The following IQGAP1 variants were observed in gnomAD, a reference collection of about 807,000 sequenced individuals.
IQGAP1 encodes ras GTPase-activating-like protein IQGAP1.
IQGAP1 carries 66 observed loss-of-function variants against 215.6 expected under a neutral mutation model. The observed-to-expected ratio is 0.31, with a 90% CI of 0.25 to 0.38. The LOEUF (loss-of-function observed/expected upper bound fraction) is 0.38. Among genes scored for constraint, IQGAP1 ranks in the 10% least tolerant of loss-of-function variants. The pLI, the probability that IQGAP1 is intolerant of heterozygous loss-of-function variation, is 1.00. For missense variants in IQGAP1, 1,712 were observed against 1,997.1 expected (o/e 0.86, Z 2.72); for synonymous variants, 772 against 728.7 (o/e 1.06, Z -0.96).
intron 24 of IQGAP1, 91 bp from the exon 25 acceptor site, chr15:90,476,976 T>C (rs1388769417): frequency 7.3e-7 from 1 of 1,370,958 alleles, no homozygotes; most frequent in Non-Finnish European, 1.0e-6. Context: ...TTTTCTCATA[T>C]GTATTGTAGT....
intron 7 of IQGAP1, 98 bp downstream of exon 7, chr15:90,440,713 C>T (rs933823523): frequency 2.6e-6 from 2 of 766,828 alleles, no homozygotes; most frequent in African/African-American, 3.5e-5. Flanking sequence ...TGAATCTTGC[C>T]AGCAAGTTTA....
chr15:90,411,591 G>T (rs1314159884), intron 2 of IQGAP1, among the ~76,000 whole-genome samples: 1 of 152,152 alleles, frequency 6.6e-6, no homozygotes, highest in Admixed American at 6.5e-5. Context: ...CTTCTACTTT[G>T]TAGAGGACTC....
chr15:90,438,037 T>C (rs1256806714), intron 5 of IQGAP1, among the ~76,000 whole-genome samples: 2 of 152,364 alleles, frequency 1.3e-5, no homozygotes, highest in Non-Finnish European at 2.9e-5. Flanking sequence ...TTTTCTATTA[T>C]ACATTTGGGT....
intron 3 of IQGAP1, among the ~76,000 whole-genome samples, chr15:90,429,149 G>A (rs999855510): frequency 1.2e-4 from 19 of 152,168 alleles, no homozygotes; most frequent in African/African-American, 4.6e-4. Flanking sequence ...CACCGTCCCA[G>A]CGTGGTATTT....
intron 2 of IQGAP1, among the ~76,000 whole-genome samples, chr15:90,406,916 T>G (rs1427108485): frequency 6.6e-6 from 1 of 152,178 alleles, no homozygotes; most frequent in Non-Finnish European, 1.5e-5. Flanking sequence ...AGAAGTTCAT[T>G]AACTCATTAG....
intron 2 of IQGAP1, among the ~76,000 whole-genome samples, chr15:90,410,383 G>A (rs1246657645): frequency 8.5e-5 from 13 of 152,096 alleles, no homozygotes; most frequent in South Asian, 4.1e-4. Context: ...AGACACATGC[G>A]CACGTATGTT....
At chr15:90,477,309 A>G in intron 25 of IQGAP1, 79 bp downstream of exon 25, 1 of 1,182,332 alleles carries the variant, frequency 8.5e-7, no homozygotes, top group Non-Finnish European at 1.2e-6. Context: ...TGCCTTCCTG[A>G]TCTTTTCTTG....
chr15:90,477,260 C>G lies in IQGAP1; in HGVS notation c.3104+30C>G, dbSNP rs779492247. 6 of 1,595,662 alleles carry G rather than the reference C, an allele frequency of 3.8e-6. No individual in the cohort carries two copies. The South Asian group carries it at 6.7e-5, about 18-fold the overall frequency. ...GAACAGATTTCCTCAGGGCACAGGC[C>G]CCTTCCCACTATCAGAGGGGCTCCC... On this transcript the variant is annotated intron_variant, in intron 25 of 37. Transcript: ENST00000268182.
chr15:90,454,618 G>A, intron 14 of IQGAP1, 66 bp downstream of exon 14: 2 of 1,464,276 alleles, frequency 1.4e-6, no homozygotes, highest in Non-Finnish European at 1.8e-6. Context: ...CCATGAAGTG[G>A]TTCAAAATAC....
chr15:90,493,738 T>G (rs1023752445), intron 35 of IQGAP1, among the ~76,000 whole-genome samples: 9 of 152,178 alleles, frequency 5.9e-5, no homozygotes, highest in African/African-American at 2.2e-4. Context: ...ATGGAAGGGA[T>G]GAAAAACAGG....
chr15:90,432,504 C>G (rs928722037), intron 4 of IQGAP1, among the ~76,000 whole-genome samples: 1 of 152,180 alleles, frequency 6.6e-6, no homozygotes, highest in Admixed American at 6.5e-5. Flanking sequence ...TCCTGCTTAT[C>G]AAGTTCAGAC....
At chr15:90,479,402 T>C (rs888566290) in intron 26 of IQGAP1, among the ~76,000 whole-genome samples, 1 of 151,896 alleles carries the variant, frequency 6.6e-6, no homozygotes, top group African/African-American at 2.4e-5. Context: ...AACAGGGAGT[T>C]TTACGCTGGG....
In IQGAP1 at chr15:90,482,266, G is replaced by T. The variant is rs768991566; in HGVS notation, c.3540G>T (p.Glu1180Asp). The T allele has an allele frequency of 4.8e-5, 77 of 1,614,108 alleles. No individual in the cohort carries two copies. The highest frequency in any genetic ancestry group is 5.9e-5 in the Non-Finnish European group (70 of 1,180,036). The change falls in exon 28 of 38, where the codon GAG becomes GAT. Residue 1180 changes from glutamate (E) to aspartate (D), a missense_variant. Physicochemically the swap from Glu to Asp is conservative, Grantham distance 45. Transcript: ENST00000268182. ...SLHEKFPDAG[E>D]DELLKIIGNL... is the part of the protein sequence containing the mutation. ...ATGAGAAGTTCCCTGATGCTGGTGA[G>T]GATGAGCTGCTGAAGGTAAGAATCT...
rs142519469 is a variant in IQGAP1, at chr15:90,456,182, C to G, written c.1643C>G (p.Ala548Gly). Residue 548 changes from alanine (A) to glycine (G), a missense_variant, in exon 15 of 38, where the codon GCC (alanine) becomes GGC (glycine). Ala to Gly is a moderately conservative substitution (Grantham distance 60). Coordinates refer to ENST00000268182, the MANE Select transcript of IQGAP1 (RefSeq NM_003870.4). Reference protein sequence around the residue: ...RILAIGLINEALDEGDAQKTL... With the variant: ...RILAIGLINEGLDEGDAQKTL... ...TTAGCCATTGGTTTAATTAATGAAG[C>G]CCTGGATGAAGGTGATGCCCAAAAG... 400 of 1,613,848 alleles carry G rather than the reference C, an allele frequency of 2.5e-4. No individual in the cohort carries two copies. Among genetic ancestry groups the G allele is most frequent in the Non-Finnish European group, 3.3e-4 (388 of 1,179,944 alleles).
intron 35 of IQGAP1, chr15:90,494,446 A>T (rs569134109): frequency 8.8e-6 from 2 of 226,964 alleles, no homozygotes; most frequent in African/African-American, 4.7e-5. Flanking sequence ...CCAGAAGGAC[A>T]TGGGAGGATT....
rs751610568 is a variant in IQGAP1, at chr15:90,499,975, T to A, written c.4861-20T>A. The A allele has an allele frequency of 5.1e-6, 7 of 1,367,478 alleles. No individual in the cohort carries two copies. The highest frequency in any genetic ancestry group is 2.9e-5 in the African/African-American group (2 of 70,156). 84.7% of individuals were successfully genotyped at this position (1,367,478 alleles called of 1,614,324 possible). A position where few individuals can be genotyped will look rare whatever the true frequency, so the allele number is the denominator to read the frequency against. On this transcript the variant is annotated intron_variant, in intron 37 of 37. Coordinates refer to ENST00000268182, the MANE Select transcript of IQGAP1 (RefSeq NM_003870.4). ...AACTGTCAAAATGTTTTGTTTTGTT[T>A]TGTTTTGTTTTGTTAATAGGACCTG...
intron 15 of IQGAP1, among the ~76,000 whole-genome samples, chr15:90,458,170 A>G (rs1014166677): frequency 6.6e-6 from 1 of 152,222 alleles, no homozygotes; most frequent in Non-Finnish European, 1.5e-5. Flanking sequence ...CTTTTAGCTT[A>G]GTTTATCCAA....
chr15:90,406,049 G>T (rs75145891), intron 2 of IQGAP1, among the ~76,000 whole-genome samples: 52 of 152,174 alleles, frequency 3.4e-4, no homozygotes, highest in African/African-American at 1.2e-3. Flanking sequence ...TGCAAAGGAC[G>T]GGAGTGTGGT....
chr15:90,460,003 T>C (rs1360998864), intron 15 of IQGAP1, among the ~76,000 whole-genome samples: 1 of 151,528 alleles, frequency 6.6e-6, no homozygotes, highest in East Asian at 1.9e-4. Context: ...GGCCACGTGG[T>C]CCGGAGTTTT....
Sources: gnomAD v4.1 joint callset for allele counts (sites outside exome capture counted in the v4.1 genomes callset) on GRCh38, gnomAD v4.1.1 for gene constraint, MANE v1.5 for transcripts, NCBI Gene and HGNC (gene_info 2026-07-23, HGNC 2026-07-21) for gene names.